TMEM230: variants seen among roughly 807,000 people sequenced by gnomAD.
TMEM230 encodes the protein UPF0414 transmembrane protein C20orf30.
A neutral mutation model predicts 15.8 loss-of-function variants in TMEM230; 10 were observed. The observed-to-expected ratio is 0.63, with a 90% CI of 0.39 to 1.07. TMEM230 has a LOEUF of 1.07. Among genes scored for constraint, TMEM230 ranks in the 50% least tolerant of loss-of-function variants. The pLI is 0.01. For synonymous variants in TMEM230, 67 were observed against 76.9 expected, an observed-to-expected ratio of 0.87 and a Z score of 0.68; for missense variants, 165 against 193.3, an observed-to-expected ratio of 0.85 and a Z score of 0.87.
At chr20:5,092,329 T>C (rs1388436636) in intron 3 of TMEM230, among the ~76,000 whole-genome samples, 1 of 152,214 alleles carries the variant, frequency 6.6e-6, no homozygotes, top group East Asian at 1.9e-4. Flanking sequence ...TTGGTCTCAC[T>C]GTGGTTTCAC....
intron 1 of TMEM230, among the ~76,000 whole-genome samples, chr20:5,112,548 G>T (rs1328426009): frequency 3.9e-5 from 6 of 152,200 alleles, no homozygotes; most frequent in East Asian, 1.9e-4. Context: ...TGGCAAAGAG[G>T]ATTCTAAAAG....
downstream of TMEM230, among the ~76,000 whole-genome samples, chr20:5,099,506 C>T (rs1460941678): frequency 6.6e-6 from 1 of 151,870 alleles, no homozygotes; most frequent in Non-Finnish European, 1.5e-5. Flanking sequence ...ACTCACTCTA[C>T]TGGTGATCTC....
At chr20:5,081,878 T>TTC (rs1555767945) in intron 3 of TMEM230, among the ~76,000 whole-genome samples, 1 of 43,344 alleles carries the variant, frequency 2.3e-5, no homozygotes, top group African/African-American at 5.2e-5. Flanking sequence ...TTTTTCTTTT[T>TTC]TTTTTTTTTT....
At chr20:5,112,738 C>T in intron 1 of TMEM230, 1 of 1,450,012 alleles carries the variant, frequency 6.9e-7, no homozygotes, top group Non-Finnish European at 9.1e-7. Flanking sequence ...ACGTTATTCT[C>T]CTACCCGTCT....
intron 3 of TMEM230, among the ~76,000 whole-genome samples, chr20:5,107,311 A>G (rs1380484790): frequency 6.6e-6 from 1 of 152,184 alleles, no homozygotes; most frequent in East Asian, 1.9e-4. Context: ...AAATACAACA[A>G]CAGCAAAAAC....
chr20:5,063,638 C>T (rs1371779712), downstream of TMEM230, among the ~76,000 whole-genome samples: 1 of 152,050 alleles, frequency 6.6e-6, no homozygotes, highest in African/African-American at 2.4e-5. Flanking sequence ...ACTAAGCTTT[C>T]TTTGAGGGGG....
downstream of TMEM230, among the ~76,000 whole-genome samples, chr20:5,065,838 C>T (rs1397891370): frequency 6.6e-6 from 1 of 152,168 alleles, no homozygotes; most frequent in East Asian, 1.9e-4. Flanking sequence ...ATGCCAAACA[C>T]CAAAACTGTA....
At chr20:5,090,312 C>T (rs1447440121) in intron 3 of TMEM230, among the ~76,000 whole-genome samples, 4 of 152,184 alleles carry the variant, frequency 2.6e-5, no homozygotes, top group Non-Finnish European at 5.9e-5. Flanking sequence ...AATAGGCCAA[C>T]AGCAGGACAT....
At chr20:5,081,631 GGAA>G (rs1004496803) in intron 3 of TMEM230, among the ~76,000 whole-genome samples, 5 of 152,236 alleles carry the variant, frequency 3.3e-5, no homozygotes, top group Admixed American at 6.5e-5. Context: ...CTGAGAACAG[GGAA>G]CAAAACCACA....
At position 5,076,676 on chromosome 20, in the gene TMEM230, C is replaced by CTTTTTTTTT. The variant is rs763498321; in HGVS notation, c.223-7336_223-7328dup. On this transcript the variant is annotated intron_variant, in intron 3 of 3. Transcript: ENST00000612323. ...CTGTTTATATTCTTGGATTGATATT[C>CTTTTTTTTT]TTTTTTTTTTTTTTTTTTTGAGACA... 4.7e-5 allele frequency among the ~76,000 whole-genome samples: 6 copies of CTTTTTTTTT among 127,478 alleles called. 1 individual carries two copies. Among genetic ancestry groups the CTTTTTTTTT allele is most frequent in the African/African-American group, 1.9e-4 (6 of 32,264 alleles). 83.6% of individuals were successfully genotyped at this position (127,478 alleles called of 152,430 possible). A position where few individuals can be genotyped will look rare whatever the true frequency, so the allele number is the denominator to read the frequency against.
chr20:5,091,452 C>A (rs1308296848), intron 3 of TMEM230, among the ~76,000 whole-genome samples: 1 of 152,000 alleles, frequency 6.6e-6, no homozygotes, highest in Admixed American at 6.6e-5. Flanking sequence ...CTCAGGTGAT[C>A]CACCCACCTC....
chr20:5,080,394 T>C (rs2089145610), intron 3 of TMEM230, among the ~76,000 whole-genome samples: 1 of 152,214 alleles, frequency 6.6e-6, no homozygotes, highest in Non-Finnish European at 1.5e-5. Context: ...TGAAAGTTGC[T>C]GTGTTAACTG....
At chr20:5,086,826 A>T (rs776076070) in intron 3 of TMEM230, among the ~76,000 whole-genome samples, 25 of 151,942 alleles carry the variant, frequency 1.6e-4, no homozygotes, top group Non-Finnish European at 3.1e-4. Flanking sequence ...CAGCCTCCCA[A>T]GTAGCTGGGA....
At chr20:5,107,172 T>C (rs536812370) in intron 3 of TMEM230, among the ~76,000 whole-genome samples, 9 of 152,254 alleles carry the variant, frequency 5.9e-5, no homozygotes, top group Admixed American at 2.0e-4. Flanking sequence ...CGTGGTGGCA[T>C]GTGCCTGCAG....
intron 4 of TMEM230, among the ~76,000 whole-genome samples, chr20:5,103,915 G>A (rs546176036): frequency 3.3e-5 from 5 of 152,092 alleles, no homozygotes; most frequent in African/African-American, 9.6e-5. Flanking sequence ...AAAAGCACAA[G>A]CAACCAAAAC....
intron 3 of TMEM230, among the ~76,000 whole-genome samples, chr20:5,072,206 A>G (rs145352178): frequency 0.017 from 2,532 of 152,024 alleles, 73 homozygotes; most frequent in African/African-American, 0.057. Flanking sequence ...ATGCACCACC[A>G]TGCCTGGCTG....
chr20:5,074,122 T>C (rs1046860981), intron 3 of TMEM230, among the ~76,000 whole-genome samples: 1 of 152,254 alleles, frequency 6.6e-6, no homozygotes, highest in Middle Eastern at 3.4e-3. Flanking sequence ...TTATGGGGGA[T>C]CTGCCCCCAT....
chr20:5,112,445 A>C (rs1330556087), intron 1 of TMEM230, among the ~76,000 whole-genome samples: 2 of 152,224 alleles, frequency 1.3e-5, no homozygotes, highest in Non-Finnish European at 2.9e-5. Flanking sequence ...ACTTTTTTTT[A>C]AAGTACGTCC....
At chr20:5,105,681 G>A (rs998363937) in intron 4 of TMEM230, among the ~76,000 whole-genome samples, 15 of 152,102 alleles carry the variant, frequency 9.9e-5, no homozygotes, top group African/African-American at 3.6e-4. Flanking sequence ...ATGAATGCAT[G>A]GCTGTATCAA....
Sources: allele counts gnomAD v4.1 joint callset (sites outside exome capture counted in the v4.1 genomes callset), GRCh38; gene constraint gnomAD v4.1.1; transcripts MANE v1.5; gene names NCBI Gene and HGNC (gene_info 2026-07-23, HGNC 2026-07-21).